ANP32E: variants seen among roughly 807,000 people sequenced by gnomAD.
ANP32E encodes acidic nuclear phosphoprotein 32 family member E, also known as acidic leucine-rich nuclear phosphoprotein 32 family member E.
A neutral mutation model predicts 35.3 loss-of-function variants in ANP32E; 14 were observed. The observed-to-expected ratio is 0.40, with a 90% CI of 0.26 to 0.62. The LOEUF is 0.62. ANP32E is among the 20% of genes least tolerant of loss of function. ANP32E has a pLI of 0.45. For synonymous variants in ANP32E, 89 were observed against 110.4 expected, an observed-to-expected ratio of 0.81 and a Z score of 1.22; for missense variants, 198 against 304.4, an observed-to-expected ratio of 0.65 and a Z score of 2.60.
Position 150,235,900 on chromosome 1 carries a change from T to A in ANP32E, c.-114A>T. ...AAATGAATGAAAAGGAACGCAAATA[T>A]AAACGCCCACTACCACCACCAGATA... On this transcript the variant is annotated 5_prime_UTR_variant, in exon 1 of 7. Transcript: ENST00000583931. This position sits in a 1 kb window ranked among gnomAD's most constrained non-coding sequence, Gnocchi z 4.2. 2.8e-6 allele frequency: 2 copies of A among 718,446 alleles called. No homozygotes were observed. Among genetic ancestry groups the A allele is most frequent in the Non-Finnish European group, 2.4e-6 (1 of 414,710 alleles). 44.5% of individuals were successfully genotyped at this position (718,446 alleles called of 1,614,324 possible). A position where few individuals can be genotyped will look rare whatever the true frequency, so the allele number is the denominator to read the frequency against.
intron 1 of ANP32E, among the ~76,000 whole-genome samples, chr1:150,232,489 T>TTAGATGGAG (rs1477799667): frequency 8.0e-6 from 1 of 125,298 alleles, no homozygotes; most frequent in Non-Finnish European, 1.7e-5. Context: ...TTTTTTTTTG[T>TTAGATGGAG]AGATGGAGTC....
Position 150,218,598 on chromosome 1 carries a change from A to G in ANP32E, c.*2093T>C, listed in dbSNP as rs1457732118. 6.6e-6 allele frequency: 1 copy of G among 152,660 alleles called. No individual in the cohort carries two copies. Among genetic ancestry groups the G allele is most frequent in the Non-Finnish European group, 1.5e-5 (1 of 68,038 alleles). The allele number at this position is 152,660 out of a possible 1,614,324, so 9.5% of individuals were successfully genotyped here. A position where few individuals can be genotyped will look rare whatever the true frequency, so the allele number is the denominator to read the frequency against. ...GCTTTATTCAAAACACAGTTGCACA[A>G]AAGTATTAACTTCAAAGTTTTTAAG... On this transcript the variant is annotated 3_prime_UTR_variant, in exon 7 of 7. Transcript: ENST00000583931.
rs1318380603 is a variant in ANP32E, at chr1:150,235,466, G to C, written c.54+267C>G. Among the ~76,000 whole-genome samples, 1 of 152,222 alleles carries C rather than the reference G, an allele frequency of 6.6e-6. No homozygotes were observed. The highest frequency in any genetic ancestry group is 1.5e-5 in the Non-Finnish European group (1 of 68,032). ...ACCAGCCCGCTTCCCGCCCCCACGA[G>C]GTCAGGACGCCCGACTCGATGAAAG... On this transcript the variant is annotated intron_variant, in intron 1 of 6. Coordinates refer to ENST00000583931, the MANE Select transcript of ANP32E (RefSeq NM_030920.5). This position sits in a 1 kb window ranked among gnomAD's most constrained non-coding sequence, Gnocchi z 4.2.
chr1:150,231,948 T>C, intron 1 of ANP32E, 22 bp from the exon 2 acceptor site: 1 of 1,605,492 alleles, frequency 6.2e-7, no homozygotes, highest in Non-Finnish European at 8.5e-7. Context: ...AAAACATTAA[T>C]TAATGATTCT....
At chr1:150,221,968 T>C (rs1344410016) in intron 6 of ANP32E, among the ~76,000 whole-genome samples, 2 of 151,862 alleles carry the variant, frequency 1.3e-5, no homozygotes, top group Admixed American at 6.6e-5. Context: ...TGGGCACCTG[T>C]AGTCTCAGCT....
intron 5 of ANP32E, among the ~76,000 whole-genome samples, chr1:150,223,871 G>A (rs1167844959): frequency 6.6e-6 from 1 of 151,350 alleles, no homozygotes; most frequent in African/African-American, 2.4e-5. Flanking sequence ...TCGGCCTCCC[G>A]ATTAGCTGGG....
chr1:150,229,308 T>TTC, intron 3 of ANP32E, 71 bp from the exon 4 acceptor site: 1 of 1,042,744 alleles, frequency 9.6e-7, no homozygotes, highest in South Asian at 1.8e-5. Flanking sequence ...CTTTTTTTTT[T>TTC]TTTTTTTTTG....
chr1:150,226,302 C>T (rs942272111), intron 5 of ANP32E, among the ~76,000 whole-genome samples: 3 of 152,164 alleles, frequency 2.0e-5, no homozygotes, highest in Admixed American at 6.5e-5. Flanking sequence ...CCACCATGCC[C>T]GGCCTAATCT....
In ANP32E at chr1:150,230,679, A is replaced by G. The variant is rs1553841478; in HGVS notation, c.219T>C (p.Asp73=). The G allele has an allele frequency of 6.2e-7, 1 of 1,613,290 alleles. No homozygotes were observed. The highest frequency in any genetic ancestry group is 8.5e-7 in the Non-Finnish European group (1 of 1,179,670). Residue 73 remains aspartate (D), a synonymous_variant, in exon 3 of 7, where the codon GAT becomes GAC. Coordinates refer to ENST00000583931, the MANE Select transcript of ANP32E (RefSeq NM_030920.5). The part of the protein sequence containing the change: ...LNKLRKLELS[D]NIISGGLEVL... ...CTTCCAAGCCTCCAGAAATTATATT[A>G]TCACTAAGCTCCAACTATACATTCA...
At chr1:150,223,350 G>C (rs782380356) in intron 5 of ANP32E, 110 bp from the exon 6 acceptor site, 173 of 1,379,440 alleles carry the variant, frequency 1.3e-4, no homozygotes, top group Non-Finnish European at 1.6e-4. Flanking sequence ...TCTGTGTTTT[G>C]ACAACCTCTG....
rs1404744237 is a variant in ANP32E, at chr1:150,229,802, C to T, written c.328-565G>A. 2.0e-5 allele frequency among the ~76,000 whole-genome samples: 3 copies of T among 152,016 alleles called. No individual in the cohort carries two copies. The South Asian group carries it at 6.2e-4, about 31-fold the overall frequency. On this transcript the variant is annotated intron_variant, in intron 3 of 6. Coordinates refer to ENST00000583931, the MANE Select transcript of ANP32E (RefSeq NM_030920.5). ...CTAATTTTTGTATTTTTAGTAGAGACGGGCTTTTACCATGTTGGCCAGGAT... is the reference window on the plus strand; with the variant it reads ...CTAATTTTTGTATTTTTAGTAGAGATGGGCTTTTACCATGTTGGCCAGGAT...
chr1:150,225,271 A>C (rs1648771320), intron 5 of ANP32E, among the ~76,000 whole-genome samples: 1 of 152,230 alleles, frequency 6.6e-6, no homozygotes, highest in Admixed American at 6.5e-5. Flanking sequence ...AAAGTTCATC[A>C]GAGGCTCATT....
At chr1:150,221,062 C>G (rs1397342588) in intron 6 of ANP32E, among the ~76,000 whole-genome samples, 3 of 125,998 alleles carry the variant, frequency 2.4e-5, no homozygotes, top group African/African-American at 9.2e-5. Context: ...TTCCAGTGAG[C>G]CAAGATTGCG....
intron 4 of ANP32E, among the ~76,000 whole-genome samples, chr1:150,227,201 G>T (rs184071770): frequency 6.6e-6 from 1 of 152,216 alleles, no homozygotes; most frequent in East Asian, 1.9e-4. Flanking sequence ...ATTTCTCAAA[G>T]AACTAAAATA....
intron 3 of ANP32E, 92 bp downstream of exon 3, chr1:150,230,479 T>G (rs1553841404): frequency 3.1e-6 from 4 of 1,303,076 alleles, no homozygotes; most frequent in Non-Finnish European, 2.1e-6. Flanking sequence ...ATTCTTAAGT[T>G]TTAAGAGTTA....
At chr1:150,231,695 G>A (rs1227725651) in intron 2 of ANP32E, 82 bp downstream of exon 2, 3 of 1,259,164 alleles carry the variant, frequency 2.4e-6, no homozygotes, top group African/African-American at 3.5e-5. Flanking sequence ...TTAACAAGCA[G>A]AATGGTCATT....
chr1:150,229,294 T>TTTTA, intron 3 of ANP32E, 57 bp from the exon 4 acceptor site: 61 of 878,244 alleles, frequency 6.9e-5, no homozygotes, highest in East Asian at 9.1e-5. Flanking sequence ...GTTATTTCTT[T>TTTTA]TTTCTTTTTT....
intron 3 of ANP32E, 37 bp downstream of exon 3, chr1:150,230,534 A>G (rs1162342843): frequency 6.6e-7 from 1 of 1,526,460 alleles, no homozygotes; most frequent in African/African-American, 1.4e-5. Flanking sequence ...AATTTAACCA[A>G]AAAAAGCAAG....
chr1:150,231,294 T>C (rs73009596), intron 2 of ANP32E, among the ~76,000 whole-genome samples: 4,394 of 152,258 alleles, frequency 0.029, 217 homozygotes, highest in African/African-American at 0.1. Flanking sequence ...GCAATTCCAC[T>C]ATTAGATTTA....
Sources: allele counts gnomAD v4.1 joint callset (sites outside exome capture counted in the v4.1 genomes callset), GRCh38; gene constraint gnomAD v4.1.1; non-coding constraint Gnocchi (gnomAD v3.1); transcripts MANE v1.5; gene names NCBI Gene and HGNC (gene_info 2026-07-23, HGNC 2026-07-21).